ATP10A: variants seen among roughly 807,000 people sequenced by gnomAD.
ATP10A encodes ATPase phospholipid transporting 10A (putative), also known as phospholipid-transporting ATPase VA.
ATP10A carries 111 observed loss-of-function variants against 147.8 expected under a neutral mutation model. That is an observed-to-expected ratio of 0.75 (90% confidence interval 0.64 to 0.88). ATP10A has a LOEUF of 0.88. Among genes scored for constraint, ATP10A ranks in the 40% least tolerant of loss-of-function variants. ATP10A has a pLI of 0.00. For missense variants in ATP10A, 1,927 were observed against 1,959.0 expected (o/e 0.98, Z 0.31); for synonymous variants, 875 against 841.6 (o/e 1.04, Z -0.69).
In ATP10A at chr15:25,683,471, G is replaced by A. The variant is rs373756812; in HGVS notation, c.3307C>T (p.Leu1103=). ...CCACAGAAAAACTGGAACCAAAACA[G>A]GAGGCCCACGAACATCTGAAATCAA... ...FYKNTMFVGL[L]FWFQFFCGFS... is the part of the protein sequence containing the mutation. The change falls in exon 17 of 21, where the codon CTG becomes TTG. Residue 1103 remains leucine, a synonymous_variant. Coordinates refer to ENST00000555815, the MANE Select transcript of ATP10A (RefSeq NM_024490.4). 10 of 1,613,174 alleles carry A rather than the reference G, an allele frequency of 6.2e-6. No homozygotes were observed. In the African/African-American group the frequency reaches 1.2e-4, roughly 19 times the overall value.
intron 1 of ATP10A, among the ~76,000 whole-genome samples, chr15:25,814,488 A>G (rs1891565801): frequency 6.6e-6 from 1 of 152,212 alleles, no homozygotes; most frequent in African/African-American, 2.4e-5. Context: ...GGTTCCACCA[A>G]TGATGTCTGC....
downstream of ATP10A, among the ~76,000 whole-genome samples, chr15:25,676,049 T>A (rs965598807): frequency 6.6e-6 from 1 of 152,210 alleles, no homozygotes. Flanking sequence ...TCCACAAATG[T>A]GCCCTCACCC....
At chr15:25,691,920 G>A in intron 14 of ATP10A, 129 bp from the exon 15 acceptor site, 1 of 1,007,752 alleles carries the variant, frequency 9.9e-7, no homozygotes, top group Non-Finnish European at 1.5e-6. Flanking sequence ...GAAGATGGGG[G>A]AAAAAGGAGT....
chr15:25,816,581 A>G (rs1488331387), intron 1 of ATP10A, among the ~76,000 whole-genome samples: 3 of 152,224 alleles, frequency 2.0e-5, no homozygotes, highest in Non-Finnish European at 4.4e-5. Context: ...AAGTACTGCC[A>G]TTCCTTTCAT....
intron 2 of ATP10A, among the ~76,000 whole-genome samples, chr15:25,760,074 C>A (rs954055367): frequency 6.6e-6 from 1 of 151,856 alleles, no homozygotes; most frequent in Non-Finnish European, 1.5e-5. Flanking sequence ...TCAAGCAATT[C>A]TCCTGCCTCA....
At chr15:25,692,055 C>T (rs887567912) in intron 14 of ATP10A, among the ~76,000 whole-genome samples, 2 of 152,132 alleles carry the variant, frequency 1.3e-5, no homozygotes, top group Admixed American at 1.3e-4. Flanking sequence ...CAGTGCCGCT[C>T]TTACACCAGT....
At chr15:25,759,564 T>C (rs1056618791) in intron 2 of ATP10A, among the ~76,000 whole-genome samples, 1 of 152,092 alleles carries the variant, frequency 6.6e-6, no homozygotes. Context: ...CCAGCACTTC[T>C]GGAGGCCAAG....
chr15:25,760,517 T>A (rs28801113), intron 2 of ATP10A, among the ~76,000 whole-genome samples: 6 of 152,016 alleles, frequency 3.9e-5, no homozygotes, highest in Non-Finnish European at 8.8e-5. Flanking sequence ...ACTTACAATC[T>A]TCAAGTGTTA....
At chr15:25,717,328 C>G (rs1457839328) in intron 8 of ATP10A, among the ~76,000 whole-genome samples, 3 of 152,096 alleles carry the variant, frequency 2.0e-5, no homozygotes, top group African/African-American at 7.2e-5. Flanking sequence ...TTTGACCATC[C>G]CTTTATCACT....
intron 3 of ATP10A, among the ~76,000 whole-genome samples, chr15:25,731,405 A>G (rs1272767101): frequency 6.6e-6 from 1 of 152,264 alleles, no homozygotes; most frequent in East Asian, 1.9e-4. Flanking sequence ...GGAAAAGAGA[A>G]CTAGGGAACC....
intron 1 of ATP10A, among the ~76,000 whole-genome samples, chr15:25,799,075 T>C (rs2140773522): frequency 1.3e-5 from 2 of 152,320 alleles, no homozygotes; most frequent in East Asian, 3.9e-4. Flanking sequence ...CGCAGTTATT[T>C]TGGTACAGGG....
chr15:25,802,888 G>A (rs872538), intron 1 of ATP10A, among the ~76,000 whole-genome samples: 64,534 of 152,014 alleles, frequency 0.42, 14,283 homozygotes, highest in Middle Eastern at 0.54. Context: ...CCGAGGATTC[G>A]GATGTACACA....
At chr15:25,775,596 G>T (rs563788869) in intron 2 of ATP10A, among the ~76,000 whole-genome samples, 45 of 152,264 alleles carry the variant, frequency 3.0e-4, no homozygotes, top group Non-Finnish European at 4.9e-4. Context: ...ACACACACAC[G>T]TGCACACATG....
rs144450895 is a variant in ATP10A, at chr15:25,701,886, A to G, written c.2760+30T>C. 10,732 of 1,557,158 alleles carry G rather than the reference A, an allele frequency of 6.9e-3. 71 individuals carry two copies. The highest frequency in any genetic ancestry group is 0.021 in the South Asian group (1,754 of 81,730). Reference sequence around the variant, plus strand: ...GATAAACATGGACCACCCCAGGGGAAGGAAGCGGAGCCACTTGAAACCCAC... The same window carrying G: ...GATAAACATGGACCACCCCAGGGGAGGGAAGCGGAGCCACTTGAAACCCAC... On this transcript the variant is annotated intron_variant, in intron 13 of 20. Coordinates refer to ENST00000555815, the MANE Select transcript of ATP10A (RefSeq NM_024490.4).
intron 1 of ATP10A, among the ~76,000 whole-genome samples, chr15:25,836,014 C>T (rs993047055): frequency 2.0e-5 from 3 of 152,146 alleles, no homozygotes; most frequent in Non-Finnish European, 4.4e-5. Context: ...GGGGTTTCAC[C>T]GTGTTAGCCA....
At chr15:25,676,402 C>T (rs1170077532), downstream of ATP10A, among the ~76,000 whole-genome samples, 1 of 152,228 alleles carries the variant, frequency 6.6e-6, no homozygotes, top group African/African-American at 2.4e-5. Context: ...GGGAGAAGCT[C>T]TGCTTGTAGT....
intron 10 of ATP10A, 96 bp downstream of exon 10, chr15:25,713,578 T>G (rs1299069387): frequency 1.6e-6 from 2 of 1,242,306 alleles, no homozygotes; most frequent in Non-Finnish European, 2.2e-6. Context: ...AAAGGATTAA[T>G]GAAAATCACT....
Position 25,679,797 on chromosome 15 carries a change from C to T in ATP10A, c.4044G>A (p.Val1348=). 1 of 1,612,690 alleles carries T rather than the reference C, an allele frequency of 6.2e-7. No individual in the cohort carries two copies. The highest frequency in any genetic ancestry group is 1.1e-5 in the South Asian group (1 of 91,080). ...HSSGRTVKTS[V]PLSQPSWHTQ... is the part of the protein sequence containing the mutation. ...TGTGCCAAGAAGGCTGGGACAGGGG[C>T]ACAGAGGTCTTGACTGTCCTCCCTG... Residue 1348 remains valine (V), a synonymous_variant, in exon 21 of 21, where the codon GTG becomes GTA. Transcript: ENST00000555815.
intron 1 of ATP10A, among the ~76,000 whole-genome samples, chr15:25,788,914 G>A (rs986216869): frequency 6.6e-6 from 1 of 152,142 alleles, no homozygotes; most frequent in African/African-American, 2.4e-5. Flanking sequence ...AGAAAAATCC[G>A]GATGCTTTGT....
Sources: allele counts gnomAD v4.1 joint callset (sites outside exome capture counted in the v4.1 genomes callset), GRCh38; gene constraint gnomAD v4.1.1; transcripts MANE v1.5; gene names NCBI Gene and HGNC (gene_info 2026-07-23, HGNC 2026-07-21).